The following ZDHHC15 variants were observed in gnomAD, a reference collection of about 807,000 sequenced individuals.
The protein encoded by ZDHHC15 is zDHHC palmitoyltransferase 15, also known as palmitoyltransferase ZDHHC15.
Under a neutral mutation model 31.7 loss-of-function variants are expected in ZDHHC15, and 19 were observed. The ratio of observed to expected loss-of-function variants is 0.60; its 90% CI spans 0.42 to 0.88. The LOEUF (loss-of-function observed/expected upper bound fraction) is 0.88, where lower values mean the gene tolerates loss of function less well. Among genes scored for constraint, ZDHHC15 ranks in the 40% least tolerant of loss-of-function variants. The probability of loss-of-function intolerance (pLI) is 0.00; values close to 1 mark genes in which losing one functional copy is unlikely to be tolerated. For synonymous variants in ZDHHC15, 103 were observed against 90.0 expected (o/e 1.14, Z -0.82); for missense variants, 209 against 251.2 (o/e 0.83, Z 1.14).
intron 10 of ZDHHC15, among the ~76,000 whole-genome samples, chrX:75,411,481 G>A (rs1034706852): frequency 1.8e-5 from 2 of 112,364 alleles, no homozygotes; most frequent in Non-Finnish European, 3.8e-5. Context: ...CAAAGTGCTG[G>A]GATTACAGGC....
chrX:75,521,501 G>A (rs1397671888), intron 1 of ZDHHC15, among the ~76,000 whole-genome samples: 1 of 110,888 alleles, frequency 9.0e-6, no homozygotes, highest in Non-Finnish European at 1.9e-5. Context: ...ATAATATAAG[G>A]GAGAGACTTG....
intron 10 of ZDHHC15, among the ~76,000 whole-genome samples, chrX:75,398,434 A>T (rs910412118): frequency 1.9e-4 from 21 of 112,543 alleles, no homozygotes; most frequent in Non-Finnish European, 7.5e-5. Flanking sequence ...TCTCCAACTG[A>T]CAGAGATCTG....
chrX:75,409,478 T>C (rs1418771465), intron 10 of ZDHHC15, among the ~76,000 whole-genome samples: 1 of 42,868 alleles, frequency 2.3e-5, no homozygotes, highest in Non-Finnish European at 3.8e-5. Flanking sequence ...ACCAAGGAAG[T>C]CCCTGCCAAA....
intron 9 of ZDHHC15, among the ~76,000 whole-genome samples, chrX:75,419,180 G>T (rs753108205): frequency 1.8e-5 from 2 of 109,818 alleles, no homozygotes; most frequent in Non-Finnish European, 3.8e-5. Context: ...GAATGGGAGA[G>T]AATTTTTGCA....
At chrX:75,395,339 TAAAC>T (rs559155672) in intron 10 of ZDHHC15, among the ~76,000 whole-genome samples, 2 of 111,935 alleles carry the variant, frequency 1.8e-5, no homozygotes, top group South Asian at 7.4e-4. Context: ...TTAGATCTGA[TAAAC>T]AAATTCAGTC....
chrX:75,403,481 C>T (rs1239144300), intron 10 of ZDHHC15, among the ~76,000 whole-genome samples: 2 of 111,739 alleles, frequency 1.8e-5, no homozygotes, highest in Non-Finnish European at 3.8e-5. Context: ...CTAGAAAACC[C>T]CATAGTCTTG....
chrX:75,502,008 C>T (rs1020649923), intron 2 of ZDHHC15: 1 of 111,658 alleles, frequency 9.0e-6, no homozygotes, highest in African/African-American at 3.2e-5. Flanking sequence ...GCAGATATTT[C>T]TACACTTTGG....
chrX:75,398,678 A>G (rs1305568010), intron 10 of ZDHHC15, among the ~76,000 whole-genome samples: 1 of 111,293 alleles, frequency 9.0e-6, no homozygotes, highest in Non-Finnish European at 1.9e-5. Flanking sequence ...GCCTCCAGCT[A>G]TCCCCACCCA....
chrX:75,505,518 C>A (rs2085144885), intron 2 of ZDHHC15, among the ~76,000 whole-genome samples: 1 of 110,587 alleles, frequency 9.0e-6, no homozygotes. Flanking sequence ...GGCAACATAC[C>A]TAGGACAACA....
chrX:75,409,930 C>T (rs1326120598), intron 10 of ZDHHC15, among the ~76,000 whole-genome samples: 2 of 109,996 alleles, frequency 1.8e-5, no homozygotes, highest in Non-Finnish European at 3.8e-5. Flanking sequence ...AGGTCTAAGT[C>T]TACACATTTA....
intron 3 of ZDHHC15, among the ~76,000 whole-genome samples, chrX:75,455,050 G>A (rs1429465220): frequency 1.8e-5 from 2 of 111,428 alleles, no homozygotes; most frequent in African/African-American, 6.5e-5. Flanking sequence ...AAAAGAGCCC[G>A]AATTGCCAAG....
intron 10 of ZDHHC15, among the ~76,000 whole-genome samples, chrX:75,409,922 G>A (rs2083466575): frequency 9.1e-6 from 1 of 110,153 alleles, no homozygotes; most frequent in African/African-American, 3.3e-5. Context: ...AAGAAACCAG[G>A]TCTAAGTCTA....
intron 4 of ZDHHC15, among the ~76,000 whole-genome samples, chrX:75,442,025 C>T (rs907763266): frequency 6.3e-5 from 7 of 111,765 alleles, no homozygotes; most frequent in Admixed American, 2.8e-4. Flanking sequence ...TCCTATATGC[C>T]GTATTTTTGT....
intron 3 of ZDHHC15, among the ~76,000 whole-genome samples, chrX:75,472,477 G>A (rs906362813): frequency 1.8e-5 from 2 of 112,150 alleles, no homozygotes; most frequent in African/African-American, 6.5e-5. Context: ...CAATGGTTTG[G>A]CTGGATGGTT....
chrX:75,465,757 G>A (rs2084393495), intron 3 of ZDHHC15, among the ~76,000 whole-genome samples: 1 of 111,499 alleles, frequency 9.0e-6, no homozygotes, highest in African/African-American at 3.3e-5. Flanking sequence ...GCAGAAAATT[G>A]TAACTGGCCC....
chrX:75,418,551 C>T (rs908526108), intron 9 of ZDHHC15, among the ~76,000 whole-genome samples: 2 of 112,037 alleles, frequency 1.8e-5, no homozygotes, highest in Non-Finnish European at 3.8e-5. Context: ...TGACCTACAA[C>T]CGCAAATTAA....
At chrX:75,379,052 GTTC>G in intron 11 of ZDHHC15, 65 bp downstream of exon 11, 1 of 886,805 alleles carries the variant, frequency 1.1e-6, no homozygotes, top group Non-Finnish European at 1.6e-6. Context: ...TTCTTTTCTA[GTTC>G]TTCTCCCAAG....
chrX:75,490,280 CAT>C (rs1350752141), intron 2 of ZDHHC15, among the ~76,000 whole-genome samples: 1 of 111,251 alleles, frequency 9.0e-6, no homozygotes, highest in Non-Finnish European at 1.9e-5. Context: ...CTCCAAGACA[CAT>C]AATTGTCAGA....
chrX:75,421,378 G>C (rs1174654006), intron 9 of ZDHHC15, among the ~76,000 whole-genome samples: 2 of 6,249 alleles, frequency 3.2e-4, no homozygotes, highest in Non-Finnish European at 7.6e-4. Flanking sequence ...ATTCCATCCA[G>C]TATGTGTGTA....
Sources: gnomAD v4.1 joint callset for allele counts (sites outside exome capture counted in the v4.1 genomes callset) on GRCh38, gnomAD v4.1.1 for gene constraint, MANE v1.5 for transcripts, NCBI Gene and HGNC (gene_info 2026-07-23, HGNC 2026-07-21) for gene names.